GLIS1: variants seen among roughly 807,000 people sequenced by gnomAD.
The protein encoded by GLIS1 is zinc finger protein GLIS1.
In GLIS1, 24 loss-of-function variants were observed where a neutral mutation model predicts 63.8. The observed-to-expected ratio is 0.38, with a 90% CI of 0.27 to 0.53. The LOEUF (loss-of-function observed/expected upper bound fraction) is 0.53, where lower values mean the gene tolerates loss of function less well. GLIS1 is among the 20% of genes least tolerant of loss of function. The pLI, the probability that GLIS1 is intolerant of heterozygous loss-of-function variation, is 0.85. For synonymous variants in GLIS1, 450 were observed against 482.5 expected (o/e 0.93, Z 0.88); for missense variants, 1,036 against 1,074.1 (o/e 0.96, Z 0.50).
intron 2 of GLIS1, among the ~76,000 whole-genome samples, chr1:53,669,882 G>A (rs929234090): frequency 6.6e-6 from 1 of 152,224 alleles, no homozygotes; most frequent in Non-Finnish European, 1.5e-5. Flanking sequence ...AGGCAGCAGA[G>A]GGTGGGGGAA....
At chr1:53,536,867 G>C (rs996111288) in intron 4 of GLIS1, among the ~76,000 whole-genome samples, 2 of 151,538 alleles carry the variant, frequency 1.3e-5, no homozygotes, top group Non-Finnish European at 2.9e-5. Context: ...AGGTGGCACA[G>C]TGGAGAAGAA....
chr1:53,622,075 C>T (rs572183144), intron 2 of GLIS1, among the ~76,000 whole-genome samples: 4 of 152,112 alleles, frequency 2.6e-5, no homozygotes, highest in African/African-American at 7.2e-5. Context: ...CGTGCCACTG[C>T]GTCCGGCCTC....
chr1:53,679,083 C>T (rs368538952), intron 2 of GLIS1, among the ~76,000 whole-genome samples: 1 of 152,286 alleles, frequency 6.6e-6, no homozygotes, highest in South Asian at 2.1e-4. Flanking sequence ...CTGCAGCTGC[C>T]GGCGTTCTTA....
At chr1:53,695,958 T>C (rs1287513037) in intron 2 of GLIS1, among the ~76,000 whole-genome samples, 2 of 152,222 alleles carry the variant, frequency 1.3e-5, no homozygotes, top group African/African-American at 4.8e-5. Flanking sequence ...GGCCCCTAGC[T>C]GTGGGTGCCA....
chr1:53,703,307 C>T (rs201103837), intron 2 of GLIS1, among the ~76,000 whole-genome samples: 2 of 152,110 alleles, frequency 1.3e-5, no homozygotes, highest in East Asian at 3.9e-4. Context: ...ATACATGGGG[C>T]ACCTGGTACA....
At chr1:53,608,860 T>TTGTC (rs1210807511) in intron 2 of GLIS1, among the ~76,000 whole-genome samples, 3 of 152,208 alleles carry the variant, frequency 2.0e-5, no homozygotes, top group Non-Finnish European at 4.4e-5. Context: ...CTGGCTTAAT[T>TTGTC]AGACAGATTC....
intron 2 of GLIS1, 110 bp downstream of exon 2, chr1:53,737,694 CTG>C: frequency 9.5e-7 from 1 of 1,050,724 alleles, no homozygotes; most frequent in Non-Finnish European, 1.2e-6. Flanking sequence ...AAGAGAGAAA[CTG>C]AGGAACTCCG....
In GLIS1 at chr1:53,574,907, C is replaced by T. The variant is rs1432865150; in HGVS notation, c.1320+19201G>A. ...AGTCAGGCTCCTTCACAGCAACTCTCTTAACAAATGGTGTGATCACTCCGG... is the reference window on the plus strand; with the variant it reads ...AGTCAGGCTCCTTCACAGCAACTCTTTTAACAAATGGTGTGATCACTCCGG... On this transcript the variant is annotated intron_variant, in intron 4 of 10. Transcript: ENST00000628545. The surrounding 1 kb of genome is among the most constrained non-coding windows in gnomAD (Gnocchi z 4.2). 2.6e-5 allele frequency among the ~76,000 whole-genome samples: 4 copies of T among 152,178 alleles called. No individual in the cohort carries two copies. The highest frequency in any genetic ancestry group is 5.9e-5 in the Non-Finnish European group (4 of 68,032).
chr1:53,712,452 C>T (rs939126423), intron 2 of GLIS1, among the ~76,000 whole-genome samples: 1 of 152,244 alleles, frequency 6.6e-6, no homozygotes, highest in African/African-American at 2.4e-5. Context: ...GCTCCAGCAA[C>T]CTGCTGCCAA....
chr1:53,607,201 C>A lies in GLIS1; in HGVS notation c.260-6923G>T, dbSNP rs372511112. Among the ~76,000 whole-genome samples, 3 of 152,232 alleles carry A rather than the reference C, an allele frequency of 2.0e-5. No individual in the cohort carries two copies. The East Asian group carries it at 5.8e-4, about 29-fold the overall frequency. On this transcript the variant is annotated intron_variant, in intron 2 of 10. Coordinates refer to ENST00000628545, the MANE Select transcript of GLIS1 (RefSeq NM_001367484.1). The stretch of plus-strand genomic sequence containing the variant: ...ACCATCACAGACATGAGGACATAAA[C>A]CTCTGCAGTATTTTCTATGCATCTA...
intron 2 of GLIS1, among the ~76,000 whole-genome samples, chr1:53,666,258 AG>A (rs1382023080): frequency 1.3e-5 from 2 of 152,232 alleles, no homozygotes; most frequent in Non-Finnish European, 2.9e-5. Context: ...CCTGGACAGC[AG>A]CTATCTTTTC....
At chr1:53,651,669 A>C (rs1569988627) in intron 2 of GLIS1, among the ~76,000 whole-genome samples, 1 of 152,264 alleles carries the variant, frequency 6.6e-6, no homozygotes, top group Non-Finnish European at 1.5e-5. Context: ...TGAGGCCAAG[A>C]GTTTGAGACC....
chr1:53,715,268 C>T (rs1395086349), intron 2 of GLIS1, among the ~76,000 whole-genome samples: 1 of 152,178 alleles, frequency 6.6e-6, no homozygotes, highest in African/African-American at 2.4e-5. Flanking sequence ...TCAGAGAAGA[C>T]CCTTCTGGGA....
chr1:53,517,359 G>A (rs1370159725), intron 7 of GLIS1, among the ~76,000 whole-genome samples: 1 of 152,160 alleles, frequency 6.6e-6, no homozygotes, highest in African/African-American at 2.4e-5. Context: ...TCCAGCCACT[G>A]CCTACCTCCC....
chr1:53,642,618 T>G (rs775709071), intron 2 of GLIS1, among the ~76,000 whole-genome samples: 21 of 152,296 alleles, frequency 1.4e-4, no homozygotes, highest in Non-Finnish European at 2.9e-4. Flanking sequence ...TCTCCTACAG[T>G]AAAGCACTTC....
chr1:53,623,051 C>T (rs1240082442), intron 2 of GLIS1, among the ~76,000 whole-genome samples: 1 of 152,094 alleles, frequency 6.6e-6, no homozygotes, highest in African/African-American at 2.4e-5. Context: ...TATGCTGCTT[C>T]TTAGTTTATT....
chr1:53,551,433 C>T (rs1414922582), intron 4 of GLIS1, among the ~76,000 whole-genome samples: 1 of 152,176 alleles, frequency 6.6e-6, no homozygotes, highest in Non-Finnish European at 1.5e-5. Context: ...AATTGCAGGG[C>T]AAGGGGGGTC....
intron 4 of GLIS1, among the ~76,000 whole-genome samples, chr1:53,542,380 T>C (rs570149962): frequency 2.6e-4 from 40 of 152,360 alleles, no homozygotes; most frequent in Non-Finnish European, 4.9e-4. Flanking sequence ...AGGCAGTTAA[T>C]ATTTCAAATG....
chr1:53,733,119 T>C (rs1646879448), intron 2 of GLIS1, among the ~76,000 whole-genome samples: 1 of 152,208 alleles, frequency 6.6e-6, no homozygotes, highest in South Asian at 2.1e-4. Flanking sequence ...ATGATAATTA[T>C]GCAACATTCA....
Sources: allele counts gnomAD v4.1 joint callset (sites outside exome capture counted in the v4.1 genomes callset), GRCh38; gene constraint gnomAD v4.1.1; non-coding constraint Gnocchi (gnomAD v3.1); transcripts MANE v1.5; gene names NCBI Gene and HGNC (gene_info 2026-07-23, HGNC 2026-07-21).